WDR64: variants seen among roughly 807,000 people sequenced by gnomAD.
The protein encoded by WDR64 is WD repeat domain 64.
WDR64 carries 112 observed loss-of-function variants against 139.3 expected under a neutral mutation model. That is an observed-to-expected ratio of 0.80 (90% CI 0.69 to 0.94). The LOEUF (loss-of-function observed/expected upper bound fraction) is 0.94, where lower values mean the gene tolerates loss of function less well. Among genes scored for constraint, WDR64 ranks in the 40% least tolerant of loss-of-function variants. The pLI is 0.00. For synonymous variants in WDR64, 444 were observed against 437.7 expected, an observed-to-expected ratio of 1.01 and a Z score of -0.18; for missense variants, 1,206 against 1,293.1, an observed-to-expected ratio of 0.93 and a Z score of 1.03.
At chr1:241,759,741 C>G (rs1215289855) in intron 15 of WDR64, among the ~76,000 whole-genome samples, 2 of 151,952 alleles carry the variant, frequency 1.3e-5, no homozygotes, top group African/African-American at 4.8e-5. Flanking sequence ...GTAATATTTA[C>G]CACTTAGACT....
intron 7 of WDR64, among the ~76,000 whole-genome samples, chr1:241,685,786 A>G (rs1666980839): frequency 6.6e-6 from 1 of 152,210 alleles, no homozygotes; most frequent in Non-Finnish European, 1.5e-5. Context: ...CTTAGTCCCA[A>G]CAAAGAATTA....
At chr1:241,771,891 T>A (rs1270329590) in intron 19 of WDR64, among the ~76,000 whole-genome samples, 194 bp downstream of exon 19, 2 of 144,676 alleles carry the variant, frequency 1.4e-5, no homozygotes, top group Non-Finnish European at 3.0e-5. Flanking sequence ...CACATATACA[T>A]ATATACATAC....
chr1:241,731,051 T>G (rs1669058274), intron 10 of WDR64, among the ~76,000 whole-genome samples: 1 of 152,206 alleles, frequency 6.6e-6, no homozygotes, highest in African/African-American at 2.4e-5. Context: ...TTCAGTTATA[T>G]CTATATTGCT....
At chr1:241,747,502 A>C (rs1669807331) in intron 13 of WDR64, among the ~76,000 whole-genome samples, 1 of 152,228 alleles carries the variant, frequency 6.6e-6, no homozygotes, top group African/African-American at 2.4e-5. Flanking sequence ...AAGTTAACAA[A>C]TTTTGCCAAA....
chr1:241,761,190 A>G (rs1295622082), intron 15 of WDR64, among the ~76,000 whole-genome samples: 1 of 152,224 alleles, frequency 6.6e-6, no homozygotes, highest in Admixed American at 6.5e-5. Context: ...TTATACTTGA[A>G]CAAGTGAGAG....
chr1:241,686,183 A>C (rs546925157), intron 7 of WDR64, among the ~76,000 whole-genome samples: 1 of 152,302 alleles, frequency 6.6e-6, no homozygotes, highest in East Asian at 1.9e-4. Context: ...AGAGATCTTC[A>C]AACCTCACCA....
At chr1:241,676,597 G>A (rs1021314458) in intron 4 of WDR64, among the ~76,000 whole-genome samples, 2 of 152,038 alleles carry the variant, frequency 1.3e-5, no homozygotes, top group African/African-American at 2.4e-5. Context: ...AAGTCAGGCG[G>A]CATTATCACA....
chr1:241,751,230 A>G (rs1408426331), intron 14 of WDR64, among the ~76,000 whole-genome samples: 1 of 152,156 alleles, frequency 6.6e-6, no homozygotes, highest in Non-Finnish European at 1.5e-5. Flanking sequence ...AGAAGCTTGT[A>G]TGGTGGGATG....
At chr1:241,798,721 TG>T (rs1246419328) in intron 27 of WDR64, among the ~76,000 whole-genome samples, 1 of 152,222 alleles carries the variant, frequency 6.6e-6, no homozygotes, top group East Asian at 1.9e-4. Context: ...ACAGTACAGT[TG>T]GAAGAAAGTC....
At chr1:241,745,148 G>A (rs1318956535) in intron 13 of WDR64, among the ~76,000 whole-genome samples, 2 of 152,090 alleles carry the variant, frequency 1.3e-5, no homozygotes, top group African/African-American at 4.8e-5. Flanking sequence ...CTAAATGAAA[G>A]AACTGCTTTA....
intron 26 of WDR64, among the ~76,000 whole-genome samples, chr1:241,795,649 C>T (rs185506416): frequency 3.7e-4 from 56 of 152,240 alleles, no homozygotes; most frequent in East Asian, 2.9e-3. Context: ...AATTACTTTC[C>T]GTGCCCTAAG....
chr1:241,675,085 T>TTCCCTCCTCCCTC (rs1666459932), intron 4 of WDR64, among the ~76,000 whole-genome samples: 3 of 17,690 alleles, frequency 1.7e-4, no homozygotes, highest in Non-Finnish European at 1.7e-4. Context: ...CTCCCTCCCT[T>TTCCCTCCTCCCTC]CATCCTTCCT....
chr1:241,794,012 C>T (rs182661754), intron 25 of WDR64, among the ~76,000 whole-genome samples: 183 of 152,060 alleles, frequency 1.2e-3, no homozygotes, highest in African/African-American at 4.1e-3. Flanking sequence ...TGAAACCTGT[C>T]TCTATTAAAA....
At chr1:241,744,269 G>T in intron 12 of WDR64, 124 bp from the exon 13 acceptor site, 1 of 1,170,560 alleles carries the variant, frequency 8.5e-7, no homozygotes, top group Non-Finnish European at 1.2e-6. Flanking sequence ...AGGGCAGAGC[G>T]CTAGGAAATG....
chr1:241,670,201 T>G (rs969345642), intron 2 of WDR64, among the ~76,000 whole-genome samples: 1 of 152,238 alleles, frequency 6.6e-6, no homozygotes, highest in Non-Finnish European at 1.5e-5. Flanking sequence ...CGACAGTTTA[T>G]TCACAAATAA....
intron 20 of WDR64, 59 bp downstream of exon 20, chr1:241,772,990 T>C: frequency 6.7e-7 from 1 of 1,496,252 alleles, no homozygotes; most frequent in South Asian, 1.3e-5. Flanking sequence ...AAAGAATCAT[T>C]AAATGAATCT....
At chr1:241,778,311 C>G (rs944620592) in intron 21 of WDR64, among the ~76,000 whole-genome samples, 3 of 152,184 alleles carry the variant, frequency 2.0e-5, no homozygotes, top group Middle Eastern at 3.2e-3. Flanking sequence ...GAAATTAATA[C>G]AGCTACACTT....
chr1:241,749,945 G>C (rs1558506407), intron 14 of WDR64, among the ~76,000 whole-genome samples: 1 of 152,112 alleles, frequency 6.6e-6, no homozygotes, highest in African/African-American at 2.4e-5. Context: ...TCAAGCTTCC[G>C]CTGAAGGGTT....
At chr1:241,782,727 G>C (rs935776788) in intron 22 of WDR64, among the ~76,000 whole-genome samples, 1 of 152,048 alleles carries the variant, frequency 6.6e-6, no homozygotes, top group African/African-American at 2.4e-5. Flanking sequence ...TGATGTTTTT[G>C]AAAGAGAATG....
Sources: gnomAD v4.1 joint callset for allele counts (sites outside exome capture counted in the v4.1 genomes callset) on GRCh38, gnomAD v4.1.1 for gene constraint, MANE v1.5 for transcripts, NCBI Gene and HGNC (gene_info 2026-07-23, HGNC 2026-07-21) for gene names.